The following ZNF106 variants were observed in gnomAD, a reference collection of about 807,000 sequenced individuals.
The protein encoded by ZNF106 is zinc finger protein 106, also known as SH3-domain binding protein 3.
In ZNF106, 67 loss-of-function variants were observed where a neutral mutation model predicts 195.1. The ratio of observed to expected loss-of-function variants is 0.34; its 90% CI spans 0.28 to 0.42. ZNF106 has a LOEUF of 0.42. ZNF106 is among the 10% of genes least tolerant of loss of function. ZNF106 has a pLI of 1.00. For synonymous variants in ZNF106, 784 were observed against 818.6 expected (o/e 0.96, Z 0.72); for missense variants, 2,118 against 2,304.5 (o/e 0.92, Z 1.66).
intron 8 of ZNF106, among the ~76,000 whole-genome samples, chr15:42,444,528 T>A (rs540877711): frequency 6.6e-6 from 1 of 152,322 alleles, no homozygotes; most frequent in Non-Finnish European, 1.5e-5. Context: ...AACCCTCATA[T>A]AAACTCCACA....
In ZNF106 at chr15:42,434,718, G is replaced by A. The variant is rs147682547; in HGVS notation, c.4881+666C>T. ...ATTTAGGTTTAAAAAACTCTCAGAG[G>A]AGATGTCCATTTCTAATTCTGCAGA... On this transcript the variant is annotated intron_variant, in intron 14 of 21. Coordinates refer to ENST00000564754, the MANE Select transcript of ZNF106 (RefSeq NM_001366845.3). Among the ~76,000 whole-genome samples, 4 of 151,736 alleles carry A rather than the reference G, an allele frequency of 2.6e-5. No individual in the cohort carries two copies. In the East Asian group the frequency reaches 5.8e-4, roughly 22 times the overall value.
chr15:42,438,192 G>C (rs1159480980), intron 12 of ZNF106, among the ~76,000 whole-genome samples: 2 of 152,116 alleles, frequency 1.3e-5, no homozygotes, highest in Non-Finnish European at 2.9e-5. Context: ...TTCGAGACCA[G>C]CCTGGCCAAC....
Position 42,437,357 on chromosome 15 carries a change from C to T in ZNF106, c.4621G>A (p.Asp1541Asn), listed in dbSNP as rs183869246. ...NSSEISSEPG[D>N]DDEPTEGSFE... ...CTTCCTTCTGTGGGTTCATCATCAT[C>T]TCCTGGCTCTGAAGATATTTCTGGA... is the stretch of plus-strand genomic sequence containing the variant. The change falls in exon 13 of 22, where the codon GAT becomes AAT. Residue 1541 changes from aspartate (D) to asparagine (N), a missense_variant. Transcript: ENST00000564754. The T allele has an allele frequency of 6.2e-7, 1 of 1,613,838 alleles. No individual in the cohort carries two copies. Among genetic ancestry groups the T allele is most frequent in the South Asian group, 1.1e-5 (1 of 91,002 alleles).
chr15:42,478,925 A>G (rs1168988078), intron 1 of ZNF106, among the ~76,000 whole-genome samples: 1 of 152,170 alleles, frequency 6.6e-6, no homozygotes, highest in African/African-American at 2.4e-5. Flanking sequence ...CATGACAGTT[A>G]TCCCACAAAT....
chr15:42,446,525 C>T (rs2055776634), intron 7 of ZNF106, 64 bp downstream of exon 7: 5 of 1,349,276 alleles, frequency 3.7e-6, no homozygotes, highest in Admixed American at 4.0e-5. Context: ...TACCAAAAAC[C>T]CGCACCCCCC....
intron 16 of ZNF106, 86 bp downstream of exon 16, chr15:42,424,748 G>A (rs1365869274): frequency 2.9e-6 from 4 of 1,375,568 alleles, no homozygotes; most frequent in Non-Finnish European, 4.0e-6. Context: ...CCAAAGTGCT[G>A]GGACTACAGA....
At chr15:42,468,035 T>C (rs1052350646) in intron 2 of ZNF106, among the ~76,000 whole-genome samples, 7 of 151,328 alleles carry the variant, frequency 4.6e-5, no homozygotes, top group Non-Finnish European at 1.0e-4. Flanking sequence ...TTATCTACTA[T>C]AGTGTGATAA....
chr15:42,480,965 A>C (rs1181147407), intron 1 of ZNF106, among the ~76,000 whole-genome samples: 13 of 152,142 alleles, frequency 8.5e-5, no homozygotes, highest in Admixed American at 8.5e-4. Context: ...AGCCTGAATG[A>C]CAAGAATGAA....
At chr15:42,441,360 T>C (rs1183286113) in intron 10 of ZNF106, among the ~76,000 whole-genome samples, 1 of 151,624 alleles carries the variant, frequency 6.6e-6, no homozygotes, top group African/African-American at 2.4e-5. Context: ...AAATAAGCTA[T>C]ATATTTGATA....
In ZNF106 at chr15:42,450,566, TCATGACACTGTAGCACC is replaced by T; in HGVS notation, c.1689_1705del (p.Leu565IlefsTer7). The T allele has an allele frequency of 6.2e-7, 1 of 1,614,210 alleles. No homozygotes were observed. The highest frequency in any genetic ancestry group is 1.7e-5 in the Admixed American group (1 of 60,024). On this transcript the variant is annotated frameshift_variant, in exon 5 of 22. Coordinates refer to ENST00000564754, the MANE Select transcript of ZNF106 (RefSeq NM_001366845.3). LOFTEE classifies it high-confidence loss of function. Reference sequence around the variant, plus strand: ...GCTAAGAAGTGGATTTTGCAATGACTCATGACACTGTAGCACCTCTTTGGCCTTTCGTAAAGTATCAT... The same window carrying T: ...GCTAAGAAGTGGATTTTGCAATGACTTCTTTGGCCTTTCGTAAAGTATCAT...
chr15:42,455,297 C>T (rs1365395006), intron 4 of ZNF106, among the ~76,000 whole-genome samples: 2 of 152,054 alleles, frequency 1.3e-5, no homozygotes, highest in East Asian at 1.9e-4. Flanking sequence ...GGAATGGGAC[C>T]CAAGTCTAAA....
intron 1 of ZNF106, among the ~76,000 whole-genome samples, chr15:42,481,829 T>C (rs2056906298): frequency 6.6e-6 from 1 of 152,228 alleles, no homozygotes; most frequent in Non-Finnish European, 1.5e-5. Context: ...TTTTCTTTGC[T>C]GTTTTCTAGA....
At chr15:42,473,548 C>T (rs1325993152) in intron 1 of ZNF106, among the ~76,000 whole-genome samples, 3 of 152,106 alleles carry the variant, frequency 2.0e-5, no homozygotes, top group Admixed American at 6.6e-5. Context: ...TTATGGTTCC[C>T]GTGGCTCATT....
intron 3 of ZNF106, among the ~76,000 whole-genome samples, chr15:42,462,466 C>T (rs1003573143): frequency 2.6e-5 from 4 of 152,060 alleles, no homozygotes; most frequent in African/African-American, 7.2e-5. Context: ...GGCATGGTTG[C>T]GCGTGCCTGT....
At chr15:42,422,132 C>T (rs1175935415) in intron 18 of ZNF106, 144 bp from the exon 19 acceptor site, 1 of 615,356 alleles carries the variant, frequency 1.6e-6, no homozygotes, top group East Asian at 2.9e-5. Context: ...GAAATATAAT[C>T]TAATGGCAAT....
At chr15:42,470,618 G>A (rs537150120) in intron 2 of ZNF106, among the ~76,000 whole-genome samples, 2 of 152,252 alleles carry the variant, frequency 1.3e-5, no homozygotes, top group South Asian at 4.1e-4. Flanking sequence ...GGAAAAGTAT[G>A]AAGAGATAAA....
chr15:42,457,155 G>A lies in ZNF106; in HGVS notation c.120C>T (p.Asp40=), dbSNP rs531117366. 1.9e-6 allele frequency: 3 copies of A among 1,614,128 alleles called. No individual in the cohort carries two copies. The highest frequency in any genetic ancestry group is 1.3e-5 in the African/African-American group (1 of 75,024). Residue 40 remains aspartate, a synonymous_variant, in exon 4 of 22, where the codon GAC becomes GAT. Coordinates refer to ENST00000564754, the MANE Select transcript of ZNF106 (RefSeq NM_001366845.3). ...CGCACACTCGGCACTCATGACTAAT[G>A]TCCCTAGGGAAAGAGGGAGATGAGG... is the stretch of plus-strand genomic sequence containing the variant. ...HRELENLKGR[D]ISHECRVCGV...
In ZNF106 at chr15:42,439,017, A is replaced by G; in HGVS notation, c.4544+16T>C. On this transcript the variant is annotated intron_variant, in intron 11 of 21. Transcript: ENST00000564754. ...TGGTGAAAGTTGTTCTGACTGGACC[A>G]ATACAATATTCTTACCTTACAGGGA... 6.3e-7 allele frequency: 1 copy of G among 1,594,514 alleles called. No individual in the cohort carries two copies.
intron 14 of ZNF106, among the ~76,000 whole-genome samples, chr15:42,434,355 C>A (rs942424012): frequency 1.3e-5 from 2 of 152,174 alleles, no homozygotes; most frequent in Non-Finnish European, 2.9e-5. Context: ...AAAAAAAACA[C>A]CTCTGGGAGT....
Sources: allele counts gnomAD v4.1 joint callset (sites outside exome capture counted in the v4.1 genomes callset), GRCh38; gene constraint gnomAD v4.1.1; transcripts MANE v1.5; gene names NCBI Gene and HGNC (gene_info 2026-07-23, HGNC 2026-07-21).